CHST9: variants seen among roughly 807,000 people sequenced by gnomAD.
CHST9 encodes GalNAc-4-sulfotransferase 2.
A neutral mutation model predicts 44.4 loss-of-function variants in CHST9; 41 were observed. The ratio of observed to expected loss-of-function variants is 0.92; its 90% CI spans 0.72 to 1.20. The LOEUF is 1.20. CHST9 is among the 50% of genes most tolerant of loss of function. The probability of loss-of-function intolerance (pLI) is 0.00; values close to 1 mark genes in which losing one functional copy is unlikely to be tolerated. For synonymous variants in CHST9, 171 were observed against 178.4 expected, an observed-to-expected ratio of 0.96 and a Z score of 0.33; for missense variants, 504 against 516.5, an observed-to-expected ratio of 0.98 and a Z score of 0.23.
At chr18:27,017,783 C>T (rs9955574) in intron 4 of CHST9, among the ~76,000 whole-genome samples, 98,359 of 152,084 alleles carry the variant, frequency 0.65, 32,247 homozygotes, top group African/African-American at 0.74. Context: ...CATTTTATTG[C>T]AAATTATACA....
chr18:26,973,677 G>T (rs978009049), intron 4 of CHST9, among the ~76,000 whole-genome samples: 4 of 152,200 alleles, frequency 2.6e-5, no homozygotes, highest in African/African-American at 9.6e-5. Context: ...GTCCAAGGAA[G>T]TCAAAAGACT....
At chr18:26,967,021 G>A (rs1325225979) in intron 4 of CHST9, among the ~76,000 whole-genome samples, 5 of 152,118 alleles carry the variant, frequency 3.3e-5, no homozygotes, top group African/African-American at 4.8e-5. Flanking sequence ...CTACAGATAC[G>A]CTTTTTGGGG....
At position 27,024,127 on chromosome 18, in the gene CHST9, A is replaced by G; in HGVS notation, c.191T>C (p.Val64Ala). 6.2e-7 allele frequency: 1 copy of G among 1,612,660 alleles called. No individual in the cohort carries two copies. Among genetic ancestry groups the G allele is most frequent in the East Asian group, 2.2e-5 (1 of 44,808 alleles). ...AGGAAGTTACTCACTGATTCTGGGT[A>G]CAGGCCGCAAGTACTTCACTGGTCC... Reference protein sequence around the residue: ...GWGPVKYLRPVPRIMSTEKIQ... With the variant: ...GWGPVKYLRPAPRIMSTEKIQ... Residue 64 changes from valine to alanine, a missense_variant, in exon 4 of 6, where the codon GTA (valine) becomes GCA (alanine). Transcript: ENST00000618847.
chr18:27,000,336 A>T (rs576746598), intron 4 of CHST9, among the ~76,000 whole-genome samples: 2 of 152,352 alleles, frequency 1.3e-5, no homozygotes, highest in African/African-American at 2.4e-5. Context: ...AAAACTATAG[A>T]CATAGAATAG....
chr18:27,147,045 G>A (rs1485564387), intron 1 of CHST9, among the ~76,000 whole-genome samples: 1 of 151,930 alleles, frequency 6.6e-6, no homozygotes, highest in Non-Finnish European at 1.5e-5. Flanking sequence ...GAGTTTCCCA[G>A]TTTAGCAGAC....
At chr18:26,966,681 C>G (rs1378325938) in intron 4 of CHST9, among the ~76,000 whole-genome samples, 1 of 152,130 alleles carries the variant, frequency 6.6e-6, no homozygotes, top group Non-Finnish European at 1.5e-5. Flanking sequence ...TGTCATGACA[C>G]AGCCTTGCCA....
In CHST9 at chr18:27,002,416, G is replaced by A. The variant is rs531144056; in HGVS notation, c.202+21700C>T. On this transcript the variant is annotated intron_variant, in intron 4 of 5. Coordinates refer to ENST00000618847, the MANE Select transcript of CHST9 (RefSeq NM_031422.6). ...ATACAGACCTATGTCCTTGACTTAT[G>A]ATGGATCAGCTTATGATTTTTCAGT... Among the ~76,000 whole-genome samples, 5 of 152,238 alleles carry A rather than the reference G, an allele frequency of 3.3e-5. No homozygotes were observed. The South Asian group carries it at 1.0e-3, about 32-fold the overall frequency.
chr18:27,114,709 CT>C (rs1261799873), intron 2 of CHST9, among the ~76,000 whole-genome samples: 1 of 152,162 alleles, frequency 6.6e-6, no homozygotes, highest in African/African-American at 2.4e-5. Context: ...TACATGTGAC[CT>C]TTTATGTCTG....
intron 2 of CHST9, among the ~76,000 whole-genome samples, chr18:27,120,591 A>T (rs1421664413): frequency 6.6e-6 from 1 of 151,590 alleles, no homozygotes; most frequent in Non-Finnish European, 1.5e-5. Context: ...TAAAAAAAAA[A>T]TGCTTCTCGT....
rs551468541 is a variant in CHST9 at position 27,179,063 on chromosome 18, CAT to C, written c.-97+6071_-97+6072del. Among the ~76,000 whole-genome samples, 34 of 71,052 alleles carry C rather than the reference CAT, an allele frequency of 4.8e-4. 2 individuals carry two copies. The highest frequency in any genetic ancestry group is 3.7e-3 in the Admixed American group (28 of 7,608). 46.6% of individuals were successfully genotyped at this position (71,052 alleles called of 152,430 possible). A position where few individuals can be genotyped will look rare whatever the true frequency, so the allele number is the denominator to read the frequency against. ...ATATATACATATACGTACATGCATACATGTGTGTGATAATGTCTCTCTCTCTC... is the reference window on the plus strand; with the variant it reads ...ATATATACATATACGTACATGCATACGTGTGTGATAATGTCTCTCTCTCTC... On this transcript the variant is annotated intron_variant, in intron 1 of 5. Transcript: ENST00000618847.
At chr18:27,080,004 C>G (rs1260417975) in intron 2 of CHST9, among the ~76,000 whole-genome samples, 3 of 152,148 alleles carry the variant, frequency 2.0e-5, no homozygotes, top group Non-Finnish European at 4.4e-5. Context: ...TGTAAGGTTA[C>G]AGAGTCACAG....
intron 2 of CHST9, among the ~76,000 whole-genome samples, chr18:27,066,729 C>G (rs1371374512): frequency 6.6e-6 from 1 of 152,206 alleles, no homozygotes; most frequent in East Asian, 1.9e-4. Context: ...TTGACATAAA[C>G]CTAGTTGTGT....
At chr18:27,103,752 A>T (rs1343883021) in intron 2 of CHST9, among the ~76,000 whole-genome samples, 1 of 152,220 alleles carries the variant, frequency 6.6e-6, no homozygotes, top group Admixed American at 6.5e-5. Context: ...TAAATCATCA[A>T]CTGCTGGTCA....
At chr18:27,159,338 T>C (rs917494405) in intron 1 of CHST9, among the ~76,000 whole-genome samples, 1 of 152,238 alleles carries the variant, frequency 6.6e-6, no homozygotes, top group Non-Finnish European at 1.5e-5. Flanking sequence ...GCTAGCTAGT[T>C]TTCCCAGCAC....
At chr18:27,130,482 T>C (rs981608953) in intron 2 of CHST9, among the ~76,000 whole-genome samples, 11 of 152,358 alleles carry the variant, frequency 7.2e-5, no homozygotes, top group East Asian at 3.9e-4. Flanking sequence ...AGAATTATCA[T>C]TGAACACTTC....
At chr18:26,993,318 T>C (rs891660247) in intron 4 of CHST9, among the ~76,000 whole-genome samples, 1 of 152,082 alleles carries the variant, frequency 6.6e-6, no homozygotes. Flanking sequence ...TCACAGAAAT[T>C]AAAGAGAATT....
At chr18:26,976,626 G>A (rs761617148) in intron 4 of CHST9, among the ~76,000 whole-genome samples, 1 of 152,280 alleles carries the variant, frequency 6.6e-6, no homozygotes, top group Non-Finnish European at 1.5e-5. Flanking sequence ...GACATGGAGA[G>A]AGACTAAGTC....
intron 3 of CHST9, among the ~76,000 whole-genome samples, chr18:27,034,266 A>G (rs2057369618): frequency 6.6e-6 from 1 of 152,188 alleles, no homozygotes; most frequent in Non-Finnish European, 1.5e-5. Context: ...GTATCCTTCC[A>G]CATCCACTCT....
Position 27,153,548 on chromosome 18 carries a change from G to C in CHST9, c.-96-10643C>G, listed in dbSNP as rs112456570. Reference sequence around the variant, plus strand: ...TCTTTCTCTCTCTCTCTCTCTCTCTGTGTGTGTGTGTGTGTGTGTATGTGT... The same window carrying C: ...TCTTTCTCTCTCTCTCTCTCTCTCTCTGTGTGTGTGTGTGTGTGTATGTGT... On this transcript the variant is annotated intron_variant, in intron 1 of 5. Coordinates refer to ENST00000618847, the MANE Select transcript of CHST9 (RefSeq NM_031422.6). Among the ~76,000 whole-genome samples the C allele has an allele frequency of 5.1e-3, 549 of 106,890 alleles. 1 individual carries two copies. The highest frequency in any genetic ancestry group is 0.016 in the African/African-American group (434 of 27,338). 70.1% of individuals were successfully genotyped at this position (106,890 alleles called of 152,430 possible). A position where few individuals can be genotyped will look rare whatever the true frequency, so the allele number is the denominator to read the frequency against.
Sources: gnomAD v4.1 joint callset for allele counts (sites outside exome capture counted in the v4.1 genomes callset) on GRCh38, gnomAD v4.1.1 for gene constraint, MANE v1.5 for transcripts, NCBI Gene and HGNC (gene_info 2026-07-23, HGNC 2026-07-21) for gene names.